MRRF: variants seen among roughly 807,000 people sequenced by gnomAD.
MRRF encodes the protein mitochondrial ribosome recycling factor.
Under a neutral mutation model 25.1 loss-of-function variants are expected in MRRF, and 18 were observed. The ratio of observed to expected loss-of-function variants is 0.72; its 90% CI spans 0.50 to 1.06. The LOEUF is 1.06. Among genes scored for constraint, MRRF ranks in the 50% least tolerant of loss-of-function variants. MRRF has a pLI of 0.00. For synonymous variants in MRRF, 113 were observed against 112.1 expected (o/e 1.01, Z -0.05); for missense variants, 323 against 319.3 (o/e 1.01, Z -0.09).
At position 122,304,062 on chromosome 9, in the gene MRRF, A is replaced by AACACACACAC. The variant is rs66775611; in HGVS notation, c.552-9136_552-9127dup. On this transcript the variant is annotated intron_variant, in intron 5 of 6. Coordinates refer to ENST00000344641, the MANE Select transcript of MRRF (RefSeq NM_138777.5). ...GGAAATACTGGTAATACCCTTTTCT[A>AACACACACAC]ACACACACACACACACACACACACA... Among the ~76,000 whole-genome samples, 331 of 139,878 alleles carry AACACACACAC rather than the reference A, an allele frequency of 2.4e-3. 3 individuals are homozygous for AACACACACAC. Among genetic ancestry groups the AACACACACAC allele is most frequent in the South Asian group, 0.016 (68 of 4,148 alleles). The allele number at this position is 139,878 out of a possible 152,430, so 91.8% of individuals were successfully genotyped here.
At chr9:122,298,401 C>T (rs1826982822) in intron 5 of MRRF, among the ~76,000 whole-genome samples, 1 of 152,138 alleles carries the variant, frequency 6.6e-6, no homozygotes, top group South Asian at 2.1e-4. Context: ...CAAGGTATAA[C>T]TTATATGCAA....
intron 1 of MRRF, among the ~76,000 whole-genome samples, chr9:122,268,110 C>T (rs1832230688): frequency 6.6e-6 from 1 of 152,200 alleles, no homozygotes; most frequent in African/African-American, 2.4e-5. Context: ...TTTGTATACC[C>T]TTAAGGTAAA....
At chr9:122,285,845 C>T (rs1476031102) in intron 4 of MRRF, 3 of 1,284,380 alleles carry the variant, frequency 2.3e-6, no homozygotes, top group Non-Finnish European at 3.1e-6. Flanking sequence ...CAATTTGTGA[C>T]CTCTGCATTA....
intron 3 of MRRF, among the ~76,000 whole-genome samples, chr9:122,280,963 T>C (rs79715732): frequency 6.6e-6 from 1 of 152,196 alleles, no homozygotes; most frequent in African/African-American, 2.4e-5. Context: ...AAAAATGAGA[T>C]TTTTATTATG....
chr9:122,281,442 A>T lies in MRRF; in HGVS notation c.340+844A>T, dbSNP rs147224622. Among the ~76,000 whole-genome samples the T allele has an allele frequency of 9.3e-4, 142 of 152,330 alleles. 1 individual carries two copies. In the East Asian group the frequency reaches 0.024, roughly 26 times the overall value. On this transcript the variant is annotated intron_variant, in intron 3 of 6. Coordinates refer to ENST00000344641, the MANE Select transcript of MRRF (RefSeq NM_138777.5). ...TCGCTCTTAAGAAAACCAAGTGAAAAATACAGCTCCACTTATAAACACTAT... is the reference window on the plus strand; with the variant it reads ...TCGCTCTTAAGAAAACCAAGTGAAATATACAGCTCCACTTATAAACACTAT...
intron 1 of MRRF, among the ~76,000 whole-genome samples, chr9:122,266,808 T>C (rs1182971781): frequency 1.3e-5 from 2 of 152,194 alleles, no homozygotes; most frequent in Non-Finnish European, 2.9e-5. Flanking sequence ...AAAAAAATAT[T>C]TCAGTCTGTA....
At chr9:122,293,739 CTG>C (rs1208285892) in intron 5 of MRRF, among the ~76,000 whole-genome samples, 1 of 152,134 alleles carries the variant, frequency 6.6e-6, no homozygotes, top group Non-Finnish European at 1.5e-5. Flanking sequence ...GTGCCAGGCT[CTG>C]TGCTGGGGAT....
At position 122,313,384 on chromosome 9, in the gene MRRF, C is replaced by T. The variant is rs780300689; in HGVS notation, c.709C>T (p.Gln237Ter). The T allele has an allele frequency of 3.1e-5, 50 of 1,613,828 alleles. No homozygotes were observed. Among genetic ancestry groups the T allele is most frequent in the Non-Finnish European group, 3.9e-5 (46 of 1,179,832 alleles). ...GGACACCATTAGGCTAATAGAGAAACAGGTACTATTGCCAGCAATGTAGTA... is the reference window on the plus strand; with the variant it reads ...GGACACCATTAGGCTAATAGAGAAATAGGTACTATTGCCAGCAATGTAGTA... ...SEDTIRLIEKQISQMADDTVA... is the reference protein window; with the variant it reads ...SEDTIRLIEK Residue 237 changes from glutamine to a stop codon, truncating the protein, a stop_gained and splice_region_variant, in exon 6 of 7, where the codon CAG becomes TAG. Transcript: ENST00000344641. LOFTEE classifies it high-confidence loss of function.
chr9:122,321,501 A>C (rs2119018196), intron 6 of MRRF, among the ~76,000 whole-genome samples: 1 of 152,302 alleles, frequency 6.6e-6, no homozygotes, highest in Admixed American at 6.5e-5. Context: ...GATCCTGTTC[A>C]TGTGATAATT....
At chr9:122,295,725 T>C (rs1186764297) in intron 5 of MRRF, among the ~76,000 whole-genome samples, 1 of 152,160 alleles carries the variant, frequency 6.6e-6, no homozygotes, top group African/African-American at 2.4e-5. Flanking sequence ...GGATTACAGT[T>C]GTAAGCCACT....
At chr9:122,288,668 A>C (rs1175418521) in intron 4 of MRRF, among the ~76,000 whole-genome samples, 1 of 152,258 alleles carries the variant, frequency 6.6e-6, no homozygotes, top group Non-Finnish European at 1.5e-5. Context: ...CTAAGGACTT[A>C]CTGGGATATG....
intron 6 of MRRF, among the ~76,000 whole-genome samples, chr9:122,319,721 A>C (rs2119006818): frequency 6.6e-6 from 1 of 152,198 alleles, no homozygotes; most frequent in East Asian, 1.9e-4. Context: ...TTTGGTAAGA[A>C]CTCGGTAAGT....
At position 122,293,588 on chromosome 9, in the gene MRRF, A is replaced by G. The variant is rs189959784; in HGVS notation, c.551+1748A>G. On this transcript the variant is annotated intron_variant, in intron 5 of 6. Coordinates refer to ENST00000344641, the MANE Select transcript of MRRF (RefSeq NM_138777.5). ...GGCTGAAGTAACACTCTGCTTTGAA[A>G]TCATGTGAATTGGGAACAATATAAC... Among the ~76,000 whole-genome samples, 689 of 152,344 alleles carry G rather than the reference A, an allele frequency of 4.5e-3. 8 individuals are homozygous for G. The highest frequency in any genetic ancestry group is 7.0e-3 in the Non-Finnish European group (474 of 68,030).
At chr9:122,291,561 A>C (rs1203938102) in intron 4 of MRRF, among the ~76,000 whole-genome samples, 188 bp from the exon 5 acceptor site, 1 of 152,134 alleles carries the variant, frequency 6.6e-6, no homozygotes, top group Non-Finnish European at 1.5e-5. Context: ...CAGTGGTACC[A>C]GGAGTGGACA....
intron 4 of MRRF, 99 bp downstream of exon 4, chr9:122,285,386 C>T: frequency 1.2e-6 from 1 of 825,050 alleles, no homozygotes; most frequent in Non-Finnish European, 2.2e-6. Context: ...TAGGATGAAA[C>T]AAGAGAGAAG....
intron 6 of MRRF, 61 bp downstream of exon 6, chr9:122,313,447 G>A: frequency 6.4e-7 from 1 of 1,566,664 alleles, no homozygotes; most frequent in Non-Finnish European, 8.8e-7. Context: ...ATTTGTTCAT[G>A]TTTGAGGTGA....
At chr9:122,278,406 G>A (rs777221711) in intron 2 of MRRF, among the ~76,000 whole-genome samples, 2 of 152,004 alleles carry the variant, frequency 1.3e-5, no homozygotes, top group Non-Finnish European at 2.9e-5. Flanking sequence ...CTATTATTCT[G>A]ACTTCTAGTA....
intron 6 of MRRF, among the ~76,000 whole-genome samples, chr9:122,321,865 A>C (rs575532313): frequency 4.1e-4 from 62 of 152,250 alleles, no homozygotes; most frequent in African/African-American, 1.4e-3. Context: ...TAAGGAACAG[A>C]TAAGACTAGC....
chr9:122,271,076 G>GTC lies in MRRF; in HGVS notation c.184+2_184+3insCT. 1 of 1,613,694 alleles carries GTC rather than the reference G, an allele frequency of 6.2e-7. No homozygotes were observed. Among genetic ancestry groups the GTC allele is most frequent in the Non-Finnish European group, 8.5e-7 (1 of 1,179,564 alleles). On this transcript the variant is annotated splice_donor_variant, in intron 2 of 6. Transcript: ENST00000344641. LOFTEE classifies it high-confidence loss of function. ...CATTTTGCTACCAAGAAAGCCAAAG[G>GTC]TAGAGACATGTGACGTTCTCTCCTA...
Sources: allele counts gnomAD v4.1 joint callset (sites outside exome capture counted in the v4.1 genomes callset), GRCh38; gene constraint gnomAD v4.1.1; transcripts MANE v1.5; gene names NCBI Gene and HGNC (gene_info 2026-07-23, HGNC 2026-07-21).